PTPN22: variants seen among roughly 807,000 people sequenced by gnomAD.
PTPN22 encodes the protein tyrosine-protein phosphatase non-receptor type 22.
In PTPN22, 85 loss-of-function variants were observed where a neutral mutation model predicts 103.3. The ratio of observed to expected loss-of-function variants is 0.82; its 90% confidence interval spans 0.69 to 0.99. The LOEUF is 0.99. Among genes scored for constraint, PTPN22 ranks in the 50% least tolerant of loss-of-function variants. The pLI is 0.00. For missense variants in PTPN22, 865 were observed against 936.9 expected (o/e 0.92, Z 1.00); for synonymous variants, 323 against 310.2 (o/e 1.04, Z -0.43).
At chr1:113,831,836 C>G (rs1183892109) in intron 16 of PTPN22, among the ~76,000 whole-genome samples, 1 of 152,172 alleles carries the variant, frequency 6.6e-6, no homozygotes, top group East Asian at 1.9e-4. Flanking sequence ...TTTATCTACT[C>G]TATTTGAATA....
intron 18 of PTPN22, among the ~76,000 whole-genome samples, chr1:113,826,691 A>G (rs1662100575): frequency 1.3e-5 from 1 of 78,196 alleles, no homozygotes; most frequent in African/African-American, 5.8e-5. Flanking sequence ...TTTTTTTGAG[A>G]CGGAGTCTCG....
chr1:113,842,876 C>T (rs1235452623), intron 11 of PTPN22, among the ~76,000 whole-genome samples: 1 of 150,786 alleles, frequency 6.6e-6, no homozygotes, highest in South Asian at 2.1e-4. Flanking sequence ...CCGAGGCGGG[C>T]GGATCACGAG....
At chr1:113,821,312 GT>G (rs1247820414) in intron 19 of PTPN22, among the ~76,000 whole-genome samples, 1 of 151,720 alleles carries the variant, frequency 6.6e-6, no homozygotes, top group East Asian at 1.9e-4. Context: ...GTTTTGTTTT[GT>G]TTTGTTTGTT....
At chr1:113,871,409 T>C in intron 1 of PTPN22, 128 bp downstream of exon 1, 3 of 678,150 alleles carry the variant, frequency 4.4e-6, no homozygotes, top group Non-Finnish European at 7.5e-6. Context: ...CTTTTTTTTT[T>C]CTGTCTTCCC....
chr1:113,846,936 C>G (rs184760206), intron 11 of PTPN22, among the ~76,000 whole-genome samples: 109 of 146,872 alleles, frequency 7.4e-4, no homozygotes, highest in African/African-American at 2.5e-3. Flanking sequence ...TCTTCCAGTA[C>G]TTTTTCAGCC....
chr1:113,818,196 C>T (rs986125699), intron 20 of PTPN22, among the ~76,000 whole-genome samples: 1 of 151,486 alleles, frequency 6.6e-6, no homozygotes, highest in Non-Finnish European at 1.5e-5. Context: ...GATGGAGTCT[C>T]GCTCTGTTGC....
intron 19 of PTPN22, chr1:113,819,920 A>G (rs1661450495): frequency 8.5e-6 from 2 of 235,288 alleles, no homozygotes; most frequent in East Asian, 1.6e-4. Flanking sequence ...CTAAGGAAAT[A>G]AGATCCAATA....
Position 113,829,726 on chromosome 1 carries a change from G to T in PTPN22, c.2135-19C>A. The T allele has an allele frequency of 6.9e-7, 1 of 1,439,298 alleles. No individual in the cohort carries two copies. The highest frequency in any genetic ancestry group is 9.5e-7 in the Non-Finnish European group (1 of 1,049,802). The allele number at this position is 1,439,298 out of a possible 1,614,324, so 89.2% of individuals were successfully genotyped here. A position where few individuals can be genotyped will look rare whatever the true frequency, so the allele number is the denominator to read the frequency against. On this transcript the variant is annotated intron_variant, in intron 17 of 20. Transcript: ENST00000359785. ...TGCATACCTTAAAAAAAAAAAAGGAGAAAAACATGTTCCATTGCATACCTT... is the reference window on the plus strand; with the variant it reads ...TGCATACCTTAAAAAAAAAAAAGGATAAAAACATGTTCCATTGCATACCTT...
At chr1:113,827,391 C>A (rs1662177041) in intron 18 of PTPN22, among the ~76,000 whole-genome samples, 1 of 151,980 alleles carries the variant, frequency 6.6e-6, no homozygotes, top group African/African-American at 2.4e-5. Context: ...TGTTAGTATC[C>A]TTCCAGTGTT....
intron 19 of PTPN22, among the ~76,000 whole-genome samples, chr1:113,822,394 G>C (rs998895015): frequency 4.6e-5 from 7 of 152,126 alleles, no homozygotes; most frequent in African/African-American, 1.7e-4. Flanking sequence ...CCCTTTTATG[G>C]ATTCCCATTA....
chr1:113,841,493 A>G (rs1306368579), intron 11 of PTPN22, among the ~76,000 whole-genome samples: 2 of 152,122 alleles, frequency 1.3e-5, no homozygotes, highest in Admixed American at 1.3e-4. Flanking sequence ...AAGGCAACCC[A>G]TTGACTGAAT....
intron 1 of PTPN22, among the ~76,000 whole-genome samples, chr1:113,862,525 C>T (rs1665705953): frequency 2.0e-5 from 3 of 152,088 alleles, no homozygotes; most frequent in Admixed American, 2.0e-4. Flanking sequence ...CGGATTGAGT[C>T]ATTTGCATGT....
chr1:113,836,710 T>C (rs1424653884), intron 13 of PTPN22, among the ~76,000 whole-genome samples: 1 of 151,770 alleles, frequency 6.6e-6, no homozygotes, highest in Non-Finnish European at 1.5e-5. Context: ...GGAGGATTGC[T>C]TGAGGCCAGA....
chr1:113,847,277 T>C (rs550194142), intron 11 of PTPN22, among the ~76,000 whole-genome samples: 1 of 150,758 alleles, frequency 6.6e-6, no homozygotes, highest in Admixed American at 6.6e-5. Context: ...TTTTTTAATT[T>C]GATTTAAGCA....
At chr1:113,863,719 G>A (rs1665829300) in intron 1 of PTPN22, among the ~76,000 whole-genome samples, 1 of 151,988 alleles carries the variant, frequency 6.6e-6, no homozygotes, top group African/African-American at 2.4e-5. Flanking sequence ...ATGTATCTAT[G>A]TCTCCTTTAT....
intron 20 of PTPN22, among the ~76,000 whole-genome samples, chr1:113,817,618 AC>A (rs1026326687): frequency 3.9e-5 from 6 of 151,912 alleles, no homozygotes; most frequent in African/African-American, 1.5e-4. Context: ...TAAAAAAAAA[AC>A]ATTTTTTTGT....
At chr1:113,844,271 A>G (rs1663858747) in intron 11 of PTPN22, among the ~76,000 whole-genome samples, 1 of 152,210 alleles carries the variant, frequency 6.6e-6, no homozygotes, top group South Asian at 2.1e-4. Context: ...CCTGGCCAAC[A>G]TGGCAAAACC....
rs564261005 is a variant in PTPN22 at position 113,830,252 on chromosome 1, G to A, written c.2054-223C>T. Among the ~76,000 whole-genome samples, 32 of 152,182 alleles carry A rather than the reference G, an allele frequency of 2.1e-4. No individual in the cohort carries two copies. The Middle Eastern group carries it at 0.014, about 65-fold the overall frequency. ...CAAAAATGTATAGCTCACTTCAGAA[G>A]TATTCTCCCAAAGACACTGAAACCG... On this transcript the variant is annotated intron_variant, in intron 16 of 20. Coordinates refer to ENST00000359785, the Ensembl canonical transcript of PTPN22.
chr1:113,835,783 T>C (rs1488787604), intron 13 of PTPN22, among the ~76,000 whole-genome samples: 1 of 152,164 alleles, frequency 6.6e-6, no homozygotes, highest in Non-Finnish European at 1.5e-5. Flanking sequence ...TATTTTTCCA[T>C]TTTACAAAAC....
Sources: gnomAD v4.1 joint callset for allele counts (sites outside exome capture counted in the v4.1 genomes callset) on GRCh38, gnomAD v4.1.1 for gene constraint, MANE v1.5 for transcripts, NCBI Gene and HGNC (gene_info 2026-07-23, HGNC 2026-07-21) for gene names.